The following MECOM variants were observed in gnomAD, a reference collection of about 807,000 sequenced individuals.
MECOM encodes histone-lysine N-methyltransferase MECOM.
MECOM carries 13 observed loss-of-function variants against 116.3 expected under a neutral mutation model. The ratio of observed to expected loss-of-function variants is 0.11; its 90% CI spans 0.07 to 0.18. The LOEUF is 0.18. MECOM is among the 10% of genes least tolerant of loss of function. The pLI, the probability that MECOM is intolerant of heterozygous loss-of-function variation, is 1.00. For missense variants in MECOM, 1,299 were observed against 1,509.0 expected (o/e 0.86, Z 2.31); for synonymous variants, 528 against 535.2 (o/e 0.99, Z 0.19).
At chr3:169,435,286 T>C (rs1301994016) in intron 1 of MECOM, among the ~76,000 whole-genome samples, 1 of 152,192 alleles carries the variant, frequency 6.6e-6, no homozygotes, top group African/African-American at 2.4e-5. Flanking sequence ...GGAAAACATT[T>C]GTTCCCGTGA....
At chr3:169,317,323 G>T (rs1719929977) in intron 2 of MECOM, among the ~76,000 whole-genome samples, 2 of 152,060 alleles carry the variant, frequency 1.3e-5, no homozygotes, top group Non-Finnish European at 1.5e-5. Flanking sequence ...AAATGTGGCT[G>T]GAGGTTTTTT....
chr3:169,178,897 G>A (rs766672492), intron 2 of MECOM, among the ~76,000 whole-genome samples: 12 of 152,108 alleles, frequency 7.9e-5, no homozygotes, highest in South Asian at 4.1e-4. Flanking sequence ...TTGGCTGTAC[G>A]AAGTTTTCAC....
rs148170902 is a variant in MECOM, at chr3:169,555,285, A to G, written c.37+108051T>C. Among the ~76,000 whole-genome samples, 107 of 152,356 alleles carry G rather than the reference A, an allele frequency of 7.0e-4. No homozygotes were observed. In the Middle Eastern group the frequency reaches 0.017, roughly 24 times the overall value. On this transcript the variant is annotated intron_variant, in intron 1 of 16. Coordinates refer to ENST00000651503, the MANE Select transcript of MECOM (RefSeq NM_004991.4). ...GCACTCTGCTAAGGACTAGGGATACATGGCTAGTAGAATCTAGTCTTTTCC... is the reference window on the plus strand; with the variant it reads ...GCACTCTGCTAAGGACTAGGGATACGTGGCTAGTAGAATCTAGTCTTTTCC...
At position 169,147,733 on chromosome 3, in the gene MECOM, T is replaced by C. The variant is rs73879023; in HGVS notation, c.376-3901A>G. ...CAAGTGTGGTGTGTGTGTGTGTGTG[T>C]GCGCGCGAGTGTGTGTGTGCATGTG... is the stretch of plus-strand genomic sequence containing the variant. On this transcript the variant is annotated intron_variant, in intron 2 of 16. Coordinates refer to ENST00000651503, the MANE Select transcript of MECOM (RefSeq NM_004991.4). The C allele has an allele frequency of 4.5e-4, 435 of 976,432 alleles. 1 individual carries two copies. The highest frequency in any genetic ancestry group is 1.6e-3 in the Middle Eastern group (3 of 1,886). 60.5% of individuals were successfully genotyped at this position (976,432 alleles called of 1,614,324 possible).
At chr3:169,352,732 A>C (rs1203890939) in intron 2 of MECOM, among the ~76,000 whole-genome samples, 1 of 151,950 alleles carries the variant, frequency 6.6e-6, no homozygotes, top group Non-Finnish European at 1.5e-5. Flanking sequence ...TTTGTCCAAT[A>C]GGCATTTGAG....
chr3:169,494,135 C>G (rs1397317409), intron 1 of MECOM, among the ~76,000 whole-genome samples: 2 of 151,974 alleles, frequency 1.3e-5, no homozygotes, highest in South Asian at 4.2e-4. Context: ...GTCTTCTCTG[C>G]TTGCCTTGTG....
chr3:169,167,181 T>C (rs1743729061), intron 2 of MECOM, among the ~76,000 whole-genome samples: 1 of 152,182 alleles, frequency 6.6e-6, no homozygotes, highest in Non-Finnish European at 1.5e-5. Context: ...TCTCACCATG[T>C]TGCCTAGGTT....
At chr3:169,371,824 G>A (rs1371831179) in intron 2 of MECOM, among the ~76,000 whole-genome samples, 1 of 151,986 alleles carries the variant, frequency 6.6e-6, no homozygotes, top group African/African-American at 2.4e-5. Context: ...TCTTAGAAGT[G>A]CAATGTTGCT....
intron 1 of MECOM, among the ~76,000 whole-genome samples, chr3:169,417,350 T>A (rs1369795167): frequency 6.6e-6 from 1 of 151,112 alleles, no homozygotes; most frequent in Non-Finnish European, 1.5e-5. Context: ...AAAAAACACA[T>A]GAAAAAATGC....
chr3:169,319,479 G>C (rs1486584396), intron 2 of MECOM, among the ~76,000 whole-genome samples: 1 of 152,024 alleles, frequency 6.6e-6, no homozygotes, highest in Admixed American at 6.5e-5. Flanking sequence ...TATAGATGAC[G>C]GGTTGATGGG....
chr3:169,423,397 A>G (rs1444810697), intron 1 of MECOM, among the ~76,000 whole-genome samples: 1 of 152,120 alleles, frequency 6.6e-6, no homozygotes, highest in Non-Finnish European at 1.5e-5. Context: ...TTATGTTTCC[A>G]TAGAGCTTGT....
At chr3:169,540,150 T>A (rs1759896640) in intron 1 of MECOM, among the ~76,000 whole-genome samples, 1 of 152,208 alleles carries the variant, frequency 6.6e-6, no homozygotes, top group Non-Finnish European at 1.5e-5. Flanking sequence ...ATCTCCCAGA[T>A]GTTCTGTAGG....
intron 1 of MECOM, chr3:169,613,597 A>G (rs2040988674): frequency 6.6e-6 from 1 of 152,224 alleles, no homozygotes; most frequent in Non-Finnish European, 1.5e-5. Context: ...TCACAGACAC[A>G]AGACTTCCCG....
intron 1 of MECOM, among the ~76,000 whole-genome samples, chr3:169,543,430 T>C (rs1416599760): frequency 6.6e-6 from 1 of 152,062 alleles, no homozygotes; most frequent in Admixed American, 6.6e-5. Flanking sequence ...TTAAAATTAG[T>C]TGGGCATGGT....
At chr3:169,103,572 A>G (rs1724320905) in intron 10 of MECOM, among the ~76,000 whole-genome samples, 1 of 152,216 alleles carries the variant, frequency 6.6e-6, no homozygotes, top group African/African-American at 2.4e-5. Context: ...ATAAGAACTG[A>G]GATGATCACT....
At chr3:169,244,858 C>T (rs1755385477) in intron 2 of MECOM, among the ~76,000 whole-genome samples, 1 of 152,002 alleles carries the variant, frequency 6.6e-6, no homozygotes, top group African/African-American at 2.4e-5. Flanking sequence ...ATTGCCACAC[C>T]AAAAATTAAA....
chr3:169,464,432 T>C (rs944927080), intron 1 of MECOM, among the ~76,000 whole-genome samples: 2 of 152,166 alleles, frequency 1.3e-5, no homozygotes, highest in Admixed American at 6.5e-5. Flanking sequence ...ATCTTCCTTG[T>C]TGTCCATCAG....
chr3:169,158,978 T>A (rs1742424858), intron 2 of MECOM, among the ~76,000 whole-genome samples: 1 of 152,134 alleles, frequency 6.6e-6, no homozygotes, highest in African/African-American at 2.4e-5. Flanking sequence ...GAAGTGCCAG[T>A]CATCTGTTTT....
chr3:169,118,267 T>G (rs1729812508), intron 7 of MECOM, among the ~76,000 whole-genome samples: 1 of 152,170 alleles, frequency 6.6e-6, no homozygotes, highest in South Asian at 2.1e-4. Flanking sequence ...TATCAAAGTG[T>G]TTGGTAATAT....
Sources: allele counts gnomAD v4.1 joint callset (sites outside exome capture counted in the v4.1 genomes callset), GRCh38; gene constraint gnomAD v4.1.1; transcripts MANE v1.5; gene names NCBI Gene and HGNC (gene_info 2026-07-23, HGNC 2026-07-21).